Variants in ATXN8OS observed in about 807,000 individuals in gnomAD.
ATXN8OS encodes the protein ATXN8 opposite strand (non-protein coding).
intron 4 of ATXN8OS, among the ~76,000 whole-genome samples, chr13:70,152,443 A>G (rs1040303277): frequency 4.0e-5 from 6 of 151,834 alleles, no homozygotes; most frequent in Non-Finnish European, 8.8e-5. Context: ...ATATATGTGT[A>G]TGTATGTGTA....
intron 3 of ATXN8OS, chr13:70,139,229 C>T: frequency 2.2e-6 from 1 of 451,232 alleles, no homozygotes; most frequent in Non-Finnish European, 3.9e-6. Context: ...CCTCATTTGT[C>T]CTTGCATTCA....
rs374360074 is a variant in ATXN8OS at position 70,151,631 on chromosome 13, G to C, written n.573+4203G>C. Among the ~76,000 whole-genome samples the C allele has an allele frequency of 6.4e-4, 97 of 152,158 alleles. 2 individuals carry two copies. In the South Asian group the frequency reaches 0.019, roughly 30 times the overall value. ...ATAAGTTCGAATGTAAAACAAAAAAGAAAACCAGCAATAGACAGCTTTGAA... is the reference window on the plus strand; with the variant it reads ...ATAAGTTCGAATGTAAAACAAAAAACAAAACCAGCAATAGACAGCTTTGAA... On this transcript the variant is annotated intron_variant and non_coding_transcript_variant, in intron 4 of 4. Coordinates refer to ENST00000678624, the Ensembl canonical transcript of ATXN8OS.
chr13:70,133,704 G>C (rs531016860), intron 3 of ATXN8OS, among the ~76,000 whole-genome samples: 2 of 152,140 alleles, frequency 1.3e-5, no homozygotes, highest in Admixed American at 1.3e-4. Context: ...ACTGGAGTTG[G>C]GCTGCTACAG....
intron 4 of ATXN8OS, among the ~76,000 whole-genome samples, chr13:70,153,573 AAAATAAAAAT>A (rs1313951865): frequency 6.6e-6 from 1 of 152,192 alleles, no homozygotes; most frequent in Non-Finnish European, 1.5e-5. Context: ...AGACTGCAAA[AAAATAAAAAT>A]AAATAAAAAT....
chr13:70,145,547 T>C (rs1888771407), intron 3 of ATXN8OS, among the ~76,000 whole-genome samples: 1 of 152,094 alleles, frequency 6.6e-6, no homozygotes, highest in Non-Finnish European at 1.5e-5. Context: ...TTTGTAGTTC[T>C]CCTTGAAGAG....
At chr13:70,147,447 A>G (rs1029295969) in intron 4 of ATXN8OS, among the ~76,000 whole-genome samples, 1 of 152,140 alleles carries the variant, frequency 6.6e-6, no homozygotes, top group African/African-American at 2.4e-5. Context: ...GTCATTATAT[A>G]GATGGAGCAT....
At chr13:70,165,082 C>A (rs1889062874) in intron 4 of ATXN8OS, among the ~76,000 whole-genome samples, 1 of 151,778 alleles carries the variant, frequency 6.6e-6, no homozygotes, top group Non-Finnish European at 1.5e-5. Flanking sequence ...CAAAAAAGAT[C>A]TACAGTGGCT....
intron 2 of ATXN8OS, among the ~76,000 whole-genome samples, chr13:70,119,279 G>A (rs1408728319): frequency 6.6e-6 from 1 of 152,062 alleles, no homozygotes; most frequent in Non-Finnish European, 1.5e-5. Flanking sequence ...CAGTTCTCTA[G>A]CAATCACACA....
intron 3 of ATXN8OS, among the ~76,000 whole-genome samples, chr13:70,146,458 T>C (rs970498882): frequency 6.6e-6 from 1 of 152,086 alleles, no homozygotes; most frequent in Non-Finnish European, 1.5e-5. Flanking sequence ...TAAAGACACA[T>C]GCACACGTAT....
intron 2 of ATXN8OS, among the ~76,000 whole-genome samples, chr13:70,119,617 A>G (rs573953278): frequency 6.6e-6 from 1 of 152,280 alleles, no homozygotes; most frequent in South Asian, 2.1e-4. Flanking sequence ...AAGTGAAAAA[A>G]ATACAGGTTG....
rs78197441 is a variant in ATXN8OS, at chr13:70,160,347, C to T, written n.574-9406C>T. ...ATTATAATGTGTAGAATCTAATATACGAGTGGCTTATATCAACAGAAATGT... is the reference window on the plus strand; with the variant it reads ...ATTATAATGTGTAGAATCTAATATATGAGTGGCTTATATCAACAGAAATGT... On this transcript the variant is annotated intron_variant and non_coding_transcript_variant, in intron 4 of 4. Transcript: ENST00000678624. Among the ~76,000 whole-genome samples the T allele has an allele frequency of 9.0e-3, 1,371 of 151,552 alleles. 17 individuals are homozygous for T. Among genetic ancestry groups the T allele is most frequent in the African/African-American group, 0.03 (1,248 of 41,436 alleles).
chr13:70,151,606 A>G (rs568514370), intron 4 of ATXN8OS, among the ~76,000 whole-genome samples: 2 of 152,284 alleles, frequency 1.3e-5, no homozygotes, highest in South Asian at 4.1e-4. Context: ...TAATTACTAC[A>G]TAAGTTCGAA....
chr13:70,151,756 T>C (rs1254600850), intron 4 of ATXN8OS, among the ~76,000 whole-genome samples: 4 of 152,072 alleles, frequency 2.6e-5, no homozygotes, highest in African/African-American at 9.7e-5. Flanking sequence ...AGAATTTAAC[T>C]TTATATATGT....
chr13:70,111,713 A>G (rs1323589470), intron 1 of ATXN8OS, among the ~76,000 whole-genome samples: 4 of 152,212 alleles, frequency 2.6e-5, no homozygotes, highest in Non-Finnish European at 5.9e-5. Context: ...TTTCTAAACA[A>G]GCACAATTAA....
intron 1 of ATXN8OS, among the ~76,000 whole-genome samples, chr13:70,112,210 C>A (rs1888206372): frequency 6.6e-6 from 1 of 152,080 alleles, no homozygotes; most frequent in South Asian, 2.1e-4. Flanking sequence ...GGACGCCCAC[C>A]CTTATGATTC....
chr13:70,138,247 A>C (rs1888646869), intron 3 of ATXN8OS, among the ~76,000 whole-genome samples: 1 of 152,088 alleles, frequency 6.6e-6, no homozygotes, highest in Non-Finnish European at 1.5e-5. Context: ...CATTAAATTT[A>C]ATTCAGTTAC....
At chr13:70,132,737 T>G (rs1302278644) in intron 3 of ATXN8OS, among the ~76,000 whole-genome samples, 2 of 152,220 alleles carry the variant, frequency 1.3e-5, no homozygotes, top group African/African-American at 4.8e-5. Flanking sequence ...ACACATTTAT[T>G]GGCCTTCATT....
At chr13:70,135,839 TA>T (rs1458705034) in intron 3 of ATXN8OS, among the ~76,000 whole-genome samples, 1 of 152,180 alleles carries the variant, frequency 6.6e-6, no homozygotes, top group African/African-American at 2.4e-5. Flanking sequence ...ATCAATTATC[TA>T]AAAAACAAAA....
intron 3 of ATXN8OS, among the ~76,000 whole-genome samples, chr13:70,132,307 ATTT>A (rs11301182): frequency 0.019 from 2,733 of 142,288 alleles, 29 homozygotes; most frequent in African/African-American, 0.033. Flanking sequence ...CAAAATTATG[ATTT>A]TTTTTTTTTT....
Sources: allele counts gnomAD v4.1 joint callset (sites outside exome capture counted in the v4.1 genomes callset), GRCh38; gene constraint gnomAD v4.1.1; transcripts MANE v1.5; gene names NCBI Gene and HGNC (gene_info 2026-07-23, HGNC 2026-07-21).